The following ADGRB3 variants were observed in gnomAD, a reference collection of about 807,000 sequenced individuals.
ADGRB3 encodes the protein brain-specific angiogenesis inhibitor 3.
A neutral mutation model predicts 193.4 loss-of-function variants in ADGRB3; 37 were observed. The observed-to-expected ratio is 0.19, with a 90% confidence interval of 0.15 to 0.25. The LOEUF is 0.25. Ranked by LOEUF, ADGRB3 falls within the 10% of genes least tolerant of loss-of-function variation. The pLI is 1.00. For missense variants in ADGRB3, 1,637 were observed against 1,852.9 expected (o/e 0.88, Z 2.14); for synonymous variants, 690 against 644.2 (o/e 1.07, Z -1.08).
At chr6:68,920,084 A>G (rs1388397746) in intron 3 of ADGRB3, among the ~76,000 whole-genome samples, 1 of 152,202 alleles carries the variant, frequency 6.6e-6, no homozygotes, top group African/African-American at 2.4e-5. Flanking sequence ...AAGTTAGCTA[A>G]GGAGGAAAAC....
chr6:68,854,565 T>G (rs1296629860), intron 3 of ADGRB3, among the ~76,000 whole-genome samples: 1 of 151,982 alleles, frequency 6.6e-6, no homozygotes, highest in African/African-American at 2.4e-5. Context: ...GCTTGTCTTT[T>G]TTTTGGAGCT....
chr6:68,966,728 C>T (rs148285773), intron 8 of ADGRB3, among the ~76,000 whole-genome samples: 1 of 152,108 alleles, frequency 6.6e-6, no homozygotes, highest in African/African-American at 2.4e-5. Context: ...TCTTTATGAC[C>T]ATTTTAGGAG....
intron 3 of ADGRB3, among the ~76,000 whole-genome samples, chr6:68,740,076 T>A (rs1235482949): frequency 6.6e-6 from 1 of 152,208 alleles, no homozygotes; most frequent in Non-Finnish European, 1.5e-5. Context: ...CTCTATTTTA[T>A]CAGTTATTTT....
intron 17 of ADGRB3, among the ~76,000 whole-genome samples, chr6:69,227,901 C>T (rs967541190): frequency 4.6e-5 from 7 of 152,166 alleles, no homozygotes; most frequent in East Asian, 1.9e-4. Flanking sequence ...AAATGAATTA[C>T]GACAAAAACA....
At chr6:69,015,328 T>G (rs1770057190) in intron 12 of ADGRB3, among the ~76,000 whole-genome samples, 1 of 152,022 alleles carries the variant, frequency 6.6e-6, no homozygotes, top group African/African-American at 2.4e-5. Flanking sequence ...TTCTTGTCAA[T>G]GAAAAATCCT....
chr6:69,126,831 C>T (rs1223880212), intron 17 of ADGRB3, among the ~76,000 whole-genome samples: 2 of 152,154 alleles, frequency 1.3e-5, no homozygotes, highest in African/African-American at 4.8e-5. Context: ...GCCGAATGTG[C>T]TGGATTGCTC....
chr6:68,825,763 G>C (rs1043716782), intron 3 of ADGRB3, among the ~76,000 whole-genome samples: 3 of 152,188 alleles, frequency 2.0e-5, no homozygotes, highest in Admixed American at 2.0e-4. Context: ...TCCTCCTGCT[G>C]CCTTGTGAAG....
intron 3 of ADGRB3, among the ~76,000 whole-genome samples, chr6:68,836,127 C>G (rs1400300810): frequency 6.6e-6 from 1 of 152,086 alleles, no homozygotes; most frequent in East Asian, 1.9e-4. Flanking sequence ...TTCCATGTGG[C>G]AAACTAAAAG....
Position 69,327,909 on chromosome 6 carries a change from T to A in ADGRB3, c.3035+20T>A. The A allele has an allele frequency of 1.3e-6, 2 of 1,577,690 alleles. No individual in the cohort carries two copies. The highest frequency in any genetic ancestry group is 1.7e-6 in the Non-Finnish European group (2 of 1,153,754). Reference sequence around the variant, plus strand: ...TCACTAGTAAGTCCATCCACAGAGATAAATCATGTTTATAATTTAACAAAT... The same window carrying A: ...TCACTAGTAAGTCCATCCACAGAGAAAAATCATGTTTATAATTTAACAAAT... On this transcript the variant is annotated intron_variant, in intron 22 of 31. Transcript: ENST00000370598.
At chr6:69,330,669 T>A in intron 23 of ADGRB3, 97 bp downstream of exon 23, 1 of 998,442 alleles carries the variant, frequency 1.0e-6, no homozygotes, top group Non-Finnish European at 1.4e-6. Context: ...GTAGTTCTTG[T>A]GTAGAAATTT....
intron 3 of ADGRB3, among the ~76,000 whole-genome samples, chr6:68,823,384 G>C: frequency 6.6e-6 from 1 of 151,890 alleles, no homozygotes. Context: ...TGACAGACTA[G>C]ATGGTAAGTA....
chr6:68,653,298 G>A lies in ADGRB3; in HGVS notation c.757+13866G>A, dbSNP rs547644063. Among the ~76,000 whole-genome samples, 565 of 152,260 alleles carry A rather than the reference G, an allele frequency of 3.7e-3. 4 individuals are homozygous for A. Among genetic ancestry groups the A allele is most frequent in the Non-Finnish European group, 6.9e-3 (470 of 68,026 alleles). ...TGAGACGCTGAGAAGTTAGGGGTTG[G>A]TGGTGTCACTACAGCCTAATCTATC... On this transcript the variant is annotated intron_variant, in intron 3 of 31. Coordinates refer to ENST00000370598, the MANE Select transcript of ADGRB3 (RefSeq NM_001704.3).
rs1411147752 is a variant in ADGRB3 at position 69,287,911 on chromosome 6, A to T, written c.2815-36961A>T. Among the ~76,000 whole-genome samples the T allele has an allele frequency of 2.6e-5, 4 of 152,188 alleles. No individual in the cohort carries two copies. In the East Asian group the frequency reaches 7.7e-4, roughly 29 times the overall value. ...TCCTTCTTGTTTTCTTTGTTCAGATACAGTTACTTTAAACTATGTAGGAAC... is the reference window on the plus strand; with the variant it reads ...TCCTTCTTGTTTTCTTTGTTCAGATTCAGTTACTTTAAACTATGTAGGAAC... On this transcript the variant is annotated intron_variant, in intron 20 of 31. Coordinates refer to ENST00000370598, the MANE Select transcript of ADGRB3 (RefSeq NM_001704.3).
chr6:68,639,536 T>G, intron 3 of ADGRB3, 104 bp downstream of exon 3: 2 of 1,343,144 alleles, frequency 1.5e-6, no homozygotes, highest in East Asian at 2.5e-5. Flanking sequence ...TCCTTTATTG[T>G]CACTTTTTGA....
intron 20 of ADGRB3, among the ~76,000 whole-genome samples, chr6:69,319,545 CATT>C (rs1419889309): frequency 6.6e-6 from 1 of 151,298 alleles, no homozygotes; most frequent in Non-Finnish European, 1.5e-5. Context: ...TTAGGTTCAT[CATT>C]ATAATTTTAG....
chr6:68,881,962 T>C (rs1044351780), intron 3 of ADGRB3, among the ~76,000 whole-genome samples: 2 of 152,212 alleles, frequency 1.3e-5, no homozygotes, highest in Non-Finnish European at 2.9e-5. Context: ...GGTCTGTGAC[T>C]ATAATAATCC....
intron 3 of ADGRB3, among the ~76,000 whole-genome samples, chr6:68,904,149 G>A (rs1766481891): frequency 6.7e-6 from 1 of 150,132 alleles, no homozygotes; most frequent in Non-Finnish European, 1.5e-5. Context: ...AAGGGTGAAA[G>A]GGAGGTATTT....
intron 21 of ADGRB3, among the ~76,000 whole-genome samples, chr6:69,327,061 G>A (rs1272494945): frequency 2.0e-5 from 3 of 151,864 alleles, no homozygotes; most frequent in African/African-American, 7.3e-5. Context: ...ACAGACAGAG[G>A]ACATACAATA....
chr6:68,985,784 GGT>G (rs1468604396), intron 10 of ADGRB3, among the ~76,000 whole-genome samples: 2 of 152,108 alleles, frequency 1.3e-5, no homozygotes, highest in Non-Finnish European at 2.9e-5. Context: ...TATTCTGACT[GGT>G]GTACAATCCC....
Sources: allele counts gnomAD v4.1 joint callset (sites outside exome capture counted in the v4.1 genomes callset), GRCh38; gene constraint gnomAD v4.1.1; transcripts MANE v1.5; gene names NCBI Gene and HGNC (gene_info 2026-07-23, HGNC 2026-07-21).